Variants in CNTNAP2 observed in about 807,000 individuals in gnomAD.
CNTNAP2 encodes the protein contactin associated protein 2.
In CNTNAP2, 98 loss-of-function variants were observed where a neutral mutation model predicts 155.2. That is an observed-to-expected ratio of 0.63 (90% CI 0.54 to 0.75). The LOEUF is 0.75. Among genes scored for constraint, CNTNAP2 ranks in the 30% least tolerant of loss-of-function variants. The pLI, the probability that CNTNAP2 is intolerant of heterozygous loss-of-function variation, is 0.00. For missense variants in CNTNAP2, 1,727 were observed against 1,688.1 expected (o/e 1.02, Z -0.40); for synonymous variants, 651 against 631.2 (o/e 1.03, Z -0.47).
intron 1 of CNTNAP2, among the ~76,000 whole-genome samples, chr7:146,380,861 A>C (rs1395090772): frequency 1.6e-5 from 2 of 123,944 alleles, no homozygotes; most frequent in Non-Finnish European, 3.1e-5. Context: ...GCAGTGGCGC[A>C]ATCTCGGCTC....
intron 3 of CNTNAP2, among the ~76,000 whole-genome samples, chr7:146,889,228 AATGTT>A (rs1294022702): frequency 1.6e-4 from 24 of 152,178 alleles, no homozygotes; most frequent in Admixed American, 5.2e-4. Flanking sequence ...TTTTTCAAAA[AATGTT>A]ATAAGTATAG....
chr7:146,841,533 G>A (rs56368156), intron 3 of CNTNAP2, among the ~76,000 whole-genome samples: 1 of 151,924 alleles, frequency 6.6e-6, no homozygotes, highest in African/African-American at 2.4e-5. Flanking sequence ...GATCAAATGA[G>A]CATGTTGGTA....
At chr7:147,778,861 T>C (rs1797625609) in intron 13 of CNTNAP2, among the ~76,000 whole-genome samples, 1 of 152,170 alleles carries the variant, frequency 6.6e-6, no homozygotes, top group Admixed American at 6.5e-5. Flanking sequence ...ATCTTTTTCT[T>C]TTGTAACAAA....
intron 22 of CNTNAP2, among the ~76,000 whole-genome samples, chr7:148,385,270 C>T (rs1037336028): frequency 3.9e-5 from 6 of 152,126 alleles, no homozygotes; most frequent in African/African-American, 1.2e-4. Flanking sequence ...TGACGCGGGG[C>T]GCTGTGAGCT....
chr7:147,947,454 CAAAAAAAAAAAA>C (rs10708483), intron 14 of CNTNAP2, among the ~76,000 whole-genome samples: 1 of 80,286 alleles, frequency 1.2e-5, no homozygotes, highest in Non-Finnish European at 2.4e-5. Flanking sequence ...CCTGTCTCTA[CAAAAAAAAAAAA>C]AAAAAAAAAA....
At chr7:147,250,761 T>C (rs1415238644) in intron 8 of CNTNAP2, among the ~76,000 whole-genome samples, 3 of 152,106 alleles carry the variant, frequency 2.0e-5, no homozygotes, top group Admixed American at 1.3e-4. Flanking sequence ...CTTGGAAACT[T>C]GTTAGTAATG....
intron 8 of CNTNAP2, among the ~76,000 whole-genome samples, chr7:147,195,014 G>T (rs6652807): frequency 1.3e-5 from 2 of 152,128 alleles, no homozygotes; most frequent in East Asian, 3.8e-4. Context: ...GTCCTAAATG[G>T]TATTGCCTAG....
intron 1 of CNTNAP2, among the ~76,000 whole-genome samples, chr7:146,222,061 G>T (rs1239253590): frequency 1.3e-5 from 2 of 152,178 alleles, no homozygotes; most frequent in African/African-American, 4.8e-5. Flanking sequence ...GGTGGAAATA[G>T]AACTTAGATT....
rs180809373 is a variant in CNTNAP2, at chr7:146,133,844, G to A, written c.97+16871G>A. 5.2e-4 allele frequency among the ~76,000 whole-genome samples: 79 copies of A among 152,250 alleles called. 1 individual carries two copies. Among genetic ancestry groups the A allele is most frequent in the African/African-American group, 1.9e-3 (78 of 41,548 alleles). ...TTGTAGTATAGCTTGAAGTCAGGTA[G>A]TGTGATGCCTCCAGCTTTGTTCTGT... On this transcript the variant is annotated intron_variant, in intron 1 of 23. Coordinates refer to ENST00000361727, the MANE Select transcript of CNTNAP2 (RefSeq NM_014141.6).
chr7:146,425,198 T>C (rs1796070627), intron 1 of CNTNAP2, among the ~76,000 whole-genome samples: 1 of 152,210 alleles, frequency 6.6e-6, no homozygotes, highest in African/African-American at 2.4e-5. Context: ...TTTTGATTAT[T>C]AGAATATCCT....
At chr7:147,617,180 G>C (rs924722415) in intron 12 of CNTNAP2, among the ~76,000 whole-genome samples, 6 of 152,052 alleles carry the variant, frequency 3.9e-5, no homozygotes, top group Admixed American at 3.9e-4. Context: ...ATCTGTCATG[G>C]TTCACGACAA....
At chr7:148,079,245 T>C (rs1325572490) in intron 15 of CNTNAP2, among the ~76,000 whole-genome samples, 2 of 152,182 alleles carry the variant, frequency 1.3e-5, no homozygotes, top group Non-Finnish European at 2.9e-5. Context: ...ACATAAGACA[T>C]CACTCGATAC....
intron 1 of CNTNAP2, among the ~76,000 whole-genome samples, chr7:146,291,373 A>G (rs2129086642): frequency 6.6e-6 from 1 of 152,280 alleles, no homozygotes; most frequent in Middle Eastern, 3.4e-3. Flanking sequence ...AAAGGATAAT[A>G]ATATTTCATG....
intron 20 of CNTNAP2, among the ~76,000 whole-genome samples, chr7:148,232,693 A>G (rs1585205173): frequency 6.6e-6 from 1 of 152,230 alleles, no homozygotes; most frequent in South Asian, 2.1e-4. Flanking sequence ...ATGGTAGATC[A>G]CAGTGCTGTG....
chr7:146,982,886 T>C (rs1798045632), intron 3 of CNTNAP2, among the ~76,000 whole-genome samples: 1 of 152,232 alleles, frequency 6.6e-6, no homozygotes, highest in Non-Finnish European at 1.5e-5. Flanking sequence ...TAAATTTATA[T>C]GTTTGATATC....
At chr7:147,976,643 G>A (rs1801431121) in intron 14 of CNTNAP2, among the ~76,000 whole-genome samples, 1 of 152,058 alleles carries the variant, frequency 6.6e-6, no homozygotes. Context: ...GGTTTCTATG[G>A]GTCCTGACAC....
chr7:148,149,012 A>G (rs1805247574), intron 17 of CNTNAP2, among the ~76,000 whole-genome samples: 1 of 151,538 alleles, frequency 6.6e-6, no homozygotes, highest in Non-Finnish European at 1.5e-5. Context: ...GAGCACAGTG[A>G]AGAAATTTCA....
chr7:146,971,248 AAAT>A (rs1797790784), intron 3 of CNTNAP2, among the ~76,000 whole-genome samples: 1 of 152,146 alleles, frequency 6.6e-6, no homozygotes, highest in Admixed American at 6.6e-5. Flanking sequence ...TTTTTCCCTA[AAAT>A]ATTATTGTAC....
At chr7:147,422,125 T>A (rs1797300898) in intron 10 of CNTNAP2, among the ~76,000 whole-genome samples, 1 of 147,372 alleles carries the variant, frequency 6.8e-6, no homozygotes, top group Non-Finnish European at 1.5e-5. Context: ...ATAGTATGTA[T>A]ATATACAGTA....
Sources: gnomAD v4.1 joint callset for allele counts (sites outside exome capture counted in the v4.1 genomes callset) on GRCh38, gnomAD v4.1.1 for gene constraint, MANE v1.5 for transcripts, NCBI Gene and HGNC (gene_info 2026-07-23, HGNC 2026-07-21) for gene names.